RNF180: variants seen among roughly 807,000 people sequenced by gnomAD.
RNF180 encodes the protein E3 ubiquitin-protein ligase RNF180.
Under a neutral mutation model 59.2 loss-of-function variants are expected in RNF180, and 38 were observed. That is an observed-to-expected ratio of 0.64 (90% CI 0.50 to 0.84). RNF180 has a LOEUF of 0.84. Among genes scored for constraint, RNF180 ranks in the 40% least tolerant of loss-of-function variants. The pLI is 0.00. For missense variants in RNF180, 705 were observed against 700.9 expected (o/e 1.01, Z -0.07); for synonymous variants, 262 against 240.3 (o/e 1.09, Z -0.84).
chr5:64,300,056 G>C lies in RNF180; in HGVS notation c.1228-25130G>C, dbSNP rs538415999. On this transcript the variant is annotated intron_variant, in intron 5 of 7. Coordinates refer to ENST00000389100, the MANE Select transcript of RNF180 (RefSeq NM_001113561.2). ...CACTGTGTCATGGTGCTTGTGTTCA[G>C]GTAACCCTTATTTTACTTACTGATG... 9.9e-5 allele frequency among the ~76,000 whole-genome samples: 15 copies of C among 151,776 alleles called. No individual in the cohort carries two copies. In the East Asian group the frequency reaches 2.1e-3, roughly 22 times the overall value.
intron 7 of RNF180, among the ~76,000 whole-genome samples, chr5:64,362,281 C>T (rs578183404): frequency 6.6e-6 from 1 of 151,724 alleles, no homozygotes; most frequent in South Asian, 2.1e-4. Context: ...CTGTTCCCCT[C>T]TTTGTGTCCA....
intron 5 of RNF180, among the ~76,000 whole-genome samples, chr5:64,264,001 T>G (rs1744511884): frequency 6.6e-6 from 1 of 152,178 alleles, no homozygotes; most frequent in Admixed American, 6.6e-5. Flanking sequence ...CTACTGGCCT[T>G]TTACCTAGTG....
In RNF180 at chr5:64,325,202, T is replaced by G; in HGVS notation, c.1244T>G (p.Met415Arg). ...GTTTTGCAGACTTTGAATAATGAGA[T>G]GAGTACAGATGAAGACAATGAATAT... ...LLDHMTLNNE[M>R]STDEDNEYAE... The change falls in exon 6 of 8, where the codon ATG becomes AGG. Residue 415 changes from methionine to arginine, a missense_variant. Coordinates refer to ENST00000389100, the MANE Select transcript of RNF180 (RefSeq NM_001113561.2). 6.5e-7 allele frequency: 1 copy of G among 1,549,680 alleles called. No homozygotes were observed. Among genetic ancestry groups the G allele is most frequent in the Non-Finnish European group, 8.7e-7 (1 of 1,145,080 alleles).
chr5:64,230,649 G>A (rs568223022), intron 5 of RNF180, among the ~76,000 whole-genome samples: 1 of 152,242 alleles, frequency 6.6e-6, no homozygotes, highest in South Asian at 2.1e-4. Flanking sequence ...ATTCCCCACT[G>A]CCATTTACAG....
intron 5 of RNF180, among the ~76,000 whole-genome samples, chr5:64,225,588 T>G (rs1383503478): frequency 3.6e-5 from 5 of 137,370 alleles, no homozygotes; most frequent in African/African-American, 1.4e-4. Context: ...AGTGAGCGCC[T>G]CTGCCTAGCC....
At chr5:64,273,847 G>A (rs1323035789) in intron 5 of RNF180, among the ~76,000 whole-genome samples, 3 of 151,922 alleles carry the variant, frequency 2.0e-5, no homozygotes, top group Non-Finnish European at 2.9e-5. Context: ...GAATTTGAAA[G>A]GAATGGTGAA....
At chr5:64,315,702 C>T (rs1182685958) in intron 5 of RNF180, among the ~76,000 whole-genome samples, 2 of 145,654 alleles carry the variant, frequency 1.4e-5, no homozygotes, top group East Asian at 4.0e-4. Context: ...TGCCATTGCA[C>T]TCCAGTCTGG....
chr5:64,280,863 G>A (rs1272162044), intron 5 of RNF180, among the ~76,000 whole-genome samples: 1 of 152,116 alleles, frequency 6.6e-6, no homozygotes, highest in Non-Finnish European at 1.5e-5. Context: ...GATAGAAATA[G>A]CATTAAATCT....
intron 5 of RNF180, among the ~76,000 whole-genome samples, chr5:64,317,791 A>C (rs1744137934): frequency 7.3e-6 from 1 of 136,150 alleles, no homozygotes; most frequent in African/African-American, 3.1e-5. Flanking sequence ...GTCCTGATAA[A>C]CCCATTTTAA....
chr5:64,364,564 T>C (rs1746376280), intron 7 of RNF180, among the ~76,000 whole-genome samples: 1 of 151,784 alleles, frequency 6.6e-6, no homozygotes, highest in Non-Finnish European at 1.5e-5. Flanking sequence ...TGCAAGGCTT[T>C]GCTATCAGGA....
chr5:64,355,221 A>G (rs1239584187), intron 7 of RNF180, among the ~76,000 whole-genome samples: 2 of 151,986 alleles, frequency 1.3e-5, no homozygotes, highest in African/African-American at 2.4e-5. Flanking sequence ...TAATTTAGCA[A>G]CATGGCAGGT....
intron 5 of RNF180, among the ~76,000 whole-genome samples, chr5:64,228,762 G>T (rs1440877428): frequency 6.6e-6 from 1 of 151,626 alleles, no homozygotes; most frequent in Non-Finnish European, 1.5e-5. Flanking sequence ...ACTCACCTTT[G>T]TTCTCCTTGT....
chr5:64,368,453 A>G (rs1368267871), intron 7 of RNF180, among the ~76,000 whole-genome samples: 1 of 151,810 alleles, frequency 6.6e-6, no homozygotes, highest in African/African-American at 2.4e-5. Flanking sequence ...CAAAAGAGTT[A>G]AATGACTTGC....
intron 7 of RNF180, among the ~76,000 whole-genome samples, chr5:64,352,937 A>G (rs968475110): frequency 2.6e-5 from 4 of 151,844 alleles, no homozygotes; most frequent in African/African-American, 9.7e-5. Flanking sequence ...TTTATTTTTA[A>G]TCTGTAAAAT....
rs77178358 is a variant in RNF180, at chr5:64,250,780, A to T, written c.1227+33384A>T. Among the ~76,000 whole-genome samples, 1,149 of 152,324 alleles carry T rather than the reference A, an allele frequency of 7.5e-3. 13 individuals are homozygous for T. The highest frequency in any genetic ancestry group is 0.027 in the African/African-American group (1,110 of 41,580). ...ACTGCTGAATGCTACCAAATATTTA[A>T]TGAAGGACTAATACCAAATCTTCTC... is the stretch of plus-strand genomic sequence containing the variant. On this transcript the variant is annotated intron_variant, in intron 5 of 7. Transcript: ENST00000389100.
At chr5:64,244,721 T>G (rs1185448966) in intron 5 of RNF180, among the ~76,000 whole-genome samples, 2 of 152,090 alleles carry the variant, frequency 1.3e-5, no homozygotes, top group Non-Finnish European at 2.9e-5. Context: ...AACATTCAAA[T>G]TCAGGAAATA....
chr5:64,366,839 G>T (rs1042857868), intron 7 of RNF180, among the ~76,000 whole-genome samples: 1 of 151,544 alleles, frequency 6.6e-6, no homozygotes, highest in Admixed American at 6.6e-5. Flanking sequence ...TGAGAACTTT[G>T]CAAGGCTAGA....
At position 64,323,948 on chromosome 5, in the gene RNF180, G is replaced by T. The variant is rs138773019; in HGVS notation, c.1228-1238G>T. 2.2e-3 allele frequency among the ~76,000 whole-genome samples: 334 copies of T among 152,218 alleles called. 3 individuals are homozygous for T. The highest frequency in any genetic ancestry group is 7.3e-3 in the African/African-American group (305 of 41,532). On this transcript the variant is annotated intron_variant, in intron 5 of 7. Coordinates refer to ENST00000389100, the MANE Select transcript of RNF180 (RefSeq NM_001113561.2). ...AGTCACCATTTCCAAGAACCTACTG[G>T]TGATGTTTTAGGTGGATGCAAAGGT...
intron 5 of RNF180, among the ~76,000 whole-genome samples, chr5:64,219,867 A>G (rs1037709733): frequency 6.6e-6 from 1 of 152,118 alleles, no homozygotes; most frequent in Admixed American, 6.5e-5. Context: ...TAGTGAAACT[A>G]CCTGAGCCTG....
Sources: allele counts gnomAD v4.1 joint callset (sites outside exome capture counted in the v4.1 genomes callset), GRCh38; gene constraint gnomAD v4.1.1; transcripts MANE v1.5; gene names NCBI Gene and HGNC (gene_info 2026-07-23, HGNC 2026-07-21).